RNF123: variants seen among roughly 807,000 people sequenced by gnomAD.
RNF123 encodes ring finger protein 123.
RNF123 carries 86 observed loss-of-function variants against 168.5 expected under a neutral mutation model. The observed-to-expected ratio is 0.51, with a 90% CI of 0.43 to 0.61. The LOEUF (loss-of-function observed/expected upper bound fraction) is 0.61, where lower values mean the gene tolerates loss of function less well. Among genes scored for constraint, RNF123 ranks in the 20% least tolerant of loss-of-function variants. The pLI is 0.00. For missense variants in RNF123, 1,419 were observed against 1,729.7 expected, an observed-to-expected ratio of 0.82 and a Z score of 3.19; for synonymous variants, 666 against 689.1, an observed-to-expected ratio of 0.97 and a Z score of 0.52.
At chr3:49,718,154 T>C (rs1345010346) in intron 35 of RNF123, 2 of 1,613,202 alleles carry the variant, frequency 1.2e-6, no homozygotes, top group Non-Finnish European at 1.7e-6. Context: ...GGCGGTGTGG[T>C]GCTGAGTACT....
At chr3:49,703,746 C>T (rs1283033885) in intron 21 of RNF123, among the ~76,000 whole-genome samples, 1 of 152,234 alleles carries the variant, frequency 6.6e-6, no homozygotes, top group African/African-American at 2.4e-5. Context: ...GCGTGCCTGG[C>T]AGGGGACCAG....
intron 6 of RNF123, 36 bp downstream of exon 6, chr3:49,697,975 G>A: frequency 1.2e-6 from 2 of 1,614,020 alleles, no homozygotes; most frequent in Non-Finnish European, 8.5e-7. Flanking sequence ...AGGTAGTGAG[G>A]AGAAAGTTTA....
chr3:49,721,281 G>A lies in RNF123; in HGVS notation c.3921G>A (p.Thr1307=), dbSNP rs531884204. The change falls in exon 39 of 39, where the codon ACG becomes ACA. Residue 1307 remains threonine (T), a synonymous_variant. Coordinates refer to ENST00000327697, the MANE Select transcript of RNF123 (RefSeq NM_022064.5). ...AGGACTGGGAGAAGGGAGCCAATAC[G>A]AGTACTACCTCCTCAGCTGCCTAGC... ...SVEDWEKGAN[T]STTSSAA The A allele has an allele frequency of 1.7e-5, 27 of 1,614,162 alleles. No homozygotes were observed. The highest frequency in any genetic ancestry group is 5.5e-5 in the South Asian group (5 of 91,082).
chr3:49,715,887 C>T lies in RNF123; in HGVS notation c.3216C>T (p.Ala1072=), dbSNP rs1215888531. 1 of 1,613,998 alleles carries T rather than the reference C, an allele frequency of 6.2e-7. No homozygotes were observed. The highest frequency in any genetic ancestry group is 2.2e-5 in the East Asian group (1 of 44,900). ...ACAGCCGGCAGCTCAAGGTATGTGCCACCTGCTTTGACCTCTCGGTCAGCC... is the reference window on the plus strand; with the variant it reads ...ACAGCCGGCAGCTCAAGGTATGTGCTACCTGCTTTGACCTCTCGGTCAGCC... ...FVDSRQLKVC[A]TCFDLSVSLL... is the part of the protein sequence containing the mutation. Residue 1072 remains alanine, a synonymous_variant, in exon 33 of 39, where the codon GCC becomes GCT. Coordinates refer to ENST00000327697, the MANE Select transcript of RNF123 (RefSeq NM_022064.5).
chr3:49,709,667 G>A (rs969211044), intron 26 of RNF123, among the ~76,000 whole-genome samples: 1 of 148,508 alleles, frequency 6.7e-6, no homozygotes, highest in Admixed American at 6.8e-5. Context: ...TTGAACTCCC[G>A]ACCTCAGGTG....
Position 49,703,522 on chromosome 3 carries a change from C to T in RNF123, c.1846C>T (p.Leu616Phe). The change falls in exon 21 of 39, where the codon CTC (leucine) becomes TTC (phenylalanine). Residue 616 changes from leucine (L) to phenylalanine (F), a missense_variant. Physicochemically the swap from Leu to Phe is conservative, Grantham distance 22. Around this residue, in one of 5 missense-constraint regions of RNF123, gnomAD observed 538 missense variants for 708.8 expected, o/e 0.76. Transcript: ENST00000327697. ...CCTCCTCTCGCACCTGCGGAAGACC[C>T]TCAAAGGTGTGTACAGGCCTGTGGG... ...GGLLSHLRKT[L>F]KDDLASKANI... 6.2e-7 allele frequency: 1 copy of T among 1,613,512 alleles called. No individual in the cohort carries two copies. Among genetic ancestry groups the T allele is most frequent in the Non-Finnish European group, 8.5e-7 (1 of 1,179,618 alleles).
chr3:49,698,621 G>T, intron 8 of RNF123, 95 bp downstream of exon 8: 1 of 1,548,474 alleles, frequency 6.5e-7, no homozygotes, highest in Non-Finnish European at 8.9e-7. Flanking sequence ...CAGGGCACCA[G>T]GGAAGGGTCA....
At chr3:49,708,970 A>AT in intron 26 of RNF123, among the ~76,000 whole-genome samples, 1 of 151,890 alleles carries the variant, frequency 6.6e-6, no homozygotes. Flanking sequence ...TTTAATTTTA[A>AT]TTTTTTATTT....
chr3:49,692,056 C>A (rs1307172321), intron 3 of RNF123, among the ~76,000 whole-genome samples: 1 of 152,200 alleles, frequency 6.6e-6, no homozygotes, highest in Non-Finnish European at 1.5e-5. Context: ...CCAGCCTGAG[C>A]AACATGGCAA....
In RNF123 at chr3:49,699,444, G is replaced by A. The variant is rs766067642; in HGVS notation, c.765-24G>A. ...TAGGCATGTCTGAGCCACAGATAAG[G>A]CGTTGCTGGCTTAACTCTGGCACCT... On this transcript the variant is annotated intron_variant, in intron 10 of 38. Transcript: ENST00000327697. This position sits in a 1 kb window ranked among gnomAD's most constrained non-coding sequence, Gnocchi z 4.8. 1.8e-5 allele frequency: 28 copies of A among 1,552,170 alleles called. No homozygotes were observed. Among genetic ancestry groups the A allele is most frequent in the Non-Finnish European group, 2.3e-5 (26 of 1,140,500 alleles).
At chr3:49,706,769 C>T in intron 25 of RNF123, 22 bp from the exon 26 acceptor site, 1 of 1,606,118 alleles carries the variant, frequency 6.2e-7, no homozygotes, top group Non-Finnish European at 8.5e-7. Context: ...CTTGATTGTC[C>T]TCCTTTCCCC....
intron 8 of RNF123, 62 bp from the exon 9 acceptor site, chr3:49,698,693 G>C: frequency 6.3e-7 from 1 of 1,587,374 alleles, no homozygotes; most frequent in Non-Finnish European, 8.6e-7. Context: ...AACGCAGCTG[G>C]GGTTCAGAGT....
Position 49,704,767 on chromosome 3 carries a change from G to A in RNF123, c.1959+11G>A. Reference sequence around the variant, plus strand: ...CCAGCTATGGCCCAGGTGCCGCAGTGGGGGCAGGCGGTGGGATTTGTGTTG... The same window carrying A: ...CCAGCTATGGCCCAGGTGCCGCAGTAGGGGCAGGCGGTGGGATTTGTGTTG... On this transcript the variant is annotated intron_variant, in intron 22 of 38. Coordinates refer to ENST00000327697, the MANE Select transcript of RNF123 (RefSeq NM_022064.5). 1.9e-6 allele frequency: 3 copies of A among 1,561,044 alleles called. No individual in the cohort carries two copies. The highest frequency in any genetic ancestry group is 2.6e-6 in the Non-Finnish European group (3 of 1,152,562).
intron 3 of RNF123, among the ~76,000 whole-genome samples, chr3:49,695,209 C>T (rs2054244040): frequency 6.6e-6 from 1 of 152,130 alleles, no homozygotes; most frequent in Admixed American, 6.5e-5. Context: ...CTCAAGGAAT[C>T]CTCCCACCTC....
chr3:49,720,945 T>C (rs745364258), intron 37 of RNF123, 51 bp downstream of exon 37: 6 of 1,607,258 alleles, frequency 3.7e-6, no homozygotes, highest in Non-Finnish European at 5.1e-6. Flanking sequence ...ATGTGTGCAC[T>C]CCTACACAGG....
intron 15 of RNF123, 124 bp downstream of exon 15, chr3:49,700,833 C>A: frequency 4.0e-6 from 4 of 1,008,138 alleles, no homozygotes; most frequent in Middle Eastern, 2.1e-4. Flanking sequence ...CAGAGCTGCC[C>A]AACGTGGCAT....
intron 35 of RNF123, chr3:49,719,236 C>T: frequency 2.5e-6 from 4 of 1,613,108 alleles, no homozygotes; most frequent in Non-Finnish European, 3.4e-6. Flanking sequence ...CCAGCCGGGG[C>T]GCAGGCGCTG....
rs1332267812 is a variant in RNF123, at chr3:49,713,963, C to T, written c.2891C>T (p.Ala964Val). 3 of 1,614,060 alleles carry T rather than the reference C, an allele frequency of 1.9e-6. No homozygotes were observed. Among genetic ancestry groups the T allele is most frequent in the Non-Finnish European group, 2.5e-6 (3 of 1,179,992 alleles). Residue 964 changes from alanine to valine, a missense_variant, in exon 30 of 39, where the codon GCC (alanine) becomes GTC (valine). Ala to Val is a moderately conservative substitution (Grantham distance 64). Transcript: ENST00000327697. ...GCGCCCTATGAGCAGCGGCCCTGGG[C>T]CCAGACCAACTGGATCCTGGTGCGG... is the stretch of plus-strand genomic sequence containing the variant. ...LLAPYEQRPW[A>V]QTNWILVRLW...
intron 8 of RNF123, 36 bp downstream of exon 8, chr3:49,698,562 G>A (rs2054313942): frequency 6.2e-7 from 1 of 1,605,752 alleles, no homozygotes; most frequent in Non-Finnish European, 8.5e-7. Context: ...TCCGCCCCAT[G>A]ACTGTTACTA....
Sources: allele counts gnomAD v4.1 joint callset (sites outside exome capture counted in the v4.1 genomes callset), GRCh38; gene constraint gnomAD v4.1.1; regional missense constraint gnomAD v4.1.1; non-coding constraint Gnocchi (gnomAD v3.1); transcripts MANE v1.5; gene names NCBI Gene and HGNC (gene_info 2026-07-23, HGNC 2026-07-21).